LBR: variants seen among roughly 807,000 people sequenced by gnomAD.
LBR encodes the protein delta(14)-sterol reductase LBR.
Under a neutral mutation model 74.3 loss-of-function variants are expected in LBR, and 28 were observed. That is an observed-to-expected ratio of 0.38 (90% CI 0.28 to 0.52). LBR has a LOEUF of 0.52. Among genes scored for constraint, LBR ranks in the 20% least tolerant of loss-of-function variants. The pLI, the probability that LBR is intolerant of heterozygous loss-of-function variation, is 0.89. For synonymous variants in LBR, 228 were observed against 269.3 expected (o/e 0.85, Z 1.50); for missense variants, 717 against 760.3 (o/e 0.94, Z 0.67).
At position 225,422,228 on chromosome 1, in the gene LBR, G is replaced by A. The variant is rs1367356844; in HGVS notation, c.215C>T (p.Pro72Leu). 7 of 1,613,832 alleles carry A rather than the reference G, an allele frequency of 4.3e-6. No individual in the cohort carries two copies. In the Admixed American group the frequency reaches 5.0e-5, roughly 12 times the overall value. ...TGATCGACTCCCTCGGCGTCTGGAA[G>A]GGGAACTGGAAGTTGAGCCACCTTT... Reference protein sequence around the residue: ...QRKGGSTSSSPSRRRGSRSRS... With the variant: ...QRKGGSTSSSLSRRRGSRSRS... The change falls in exon 3 of 14, where the codon CCT becomes CTT. Residue 72 changes from proline (P) to leucine (L), a missense_variant. Physicochemically the swap from Pro to Leu is moderately conservative, Grantham distance 98 (BLOSUM62 -3). Transcript: ENST00000272163.
At chr1:225,423,566 C>G (rs2096132612) in intron 2 of LBR, among the ~76,000 whole-genome samples, 1 of 152,184 alleles carries the variant, frequency 6.6e-6, no homozygotes, top group Admixed American at 6.5e-5. Flanking sequence ...CAGCACTTGG[C>G]TAGGTGTCAC....
rs1414446449 is a variant in LBR, at chr1:225,413,157, C to CT, written c.893-513dup. Among the ~76,000 whole-genome samples, 5 of 152,344 alleles carry CT rather than the reference C, an allele frequency of 3.3e-5. No individual in the cohort carries two copies. The East Asian group carries it at 9.6e-4, about 29-fold the overall frequency. On this transcript the variant is annotated intron_variant, in intron 7 of 13. Transcript: ENST00000272163. ...GGTTTCAAAAGATTCTAGTAAAACT[C>CT]TATCATCCAGAACAGAGATCTTAAC...
chr1:225,413,271 G>A (rs1385315525), intron 7 of LBR, among the ~76,000 whole-genome samples: 2 of 152,320 alleles, frequency 1.3e-5, no homozygotes, highest in East Asian at 1.9e-4. Context: ...CAGCAGGCGG[G>A]GACATTCACG....
At position 225,412,700 on chromosome 1, in the gene LBR, A is replaced by G. The variant is rs2096108786; in HGVS notation, c.893-55T>C. 56 of 1,484,344 alleles carry G rather than the reference A, an allele frequency of 3.8e-5. 1 individual carries two copies. In the South Asian group the frequency reaches 6.5e-4, roughly 17 times the overall value. 91.9% of individuals were successfully genotyped at this position (1,484,344 alleles called of 1,614,324 possible). The stretch of plus-strand genomic sequence containing the variant: ...AAATTAATATTAACCCAAGGCTCAC[A>G]TGAAACTTACGCCACTATGAAACAA... On this transcript the variant is annotated intron_variant, in intron 7 of 13. Transcript: ENST00000272163.
At chr1:225,409,278 A>C (rs1240574373) in intron 10 of LBR, among the ~76,000 whole-genome samples, 2 of 152,240 alleles carry the variant, frequency 1.3e-5, no homozygotes, top group Non-Finnish European at 2.9e-5. Context: ...CACCGCTTGT[A>C]ATTGAGGTTT....
At chr1:225,420,798 A>G (rs554568328) in intron 3 of LBR, among the ~76,000 whole-genome samples, 2 of 151,544 alleles carry the variant, frequency 1.3e-5, no homozygotes, top group South Asian at 2.1e-4. Context: ...AAAAAAAATT[A>G]TAATACTCAG....
rs1387958612 is a variant in LBR at position 225,423,969 on chromosome 1, A to G, written c.107T>C (p.Leu36Pro). 2.5e-6 allele frequency: 4 copies of G among 1,613,968 alleles called. No individual in the cohort carries two copies. In the Admixed American group the frequency reaches 6.7e-5, roughly 27 times the overall value. Residue 36 changes from leucine (L) to proline (P), a missense_variant, in exon 2 of 14, where the codon CTT becomes CCT. Coordinates refer to ENST00000272163, the MANE Select transcript of LBR (RefSeq NM_002296.4). ...EILSHDSTSQ[L>P]YTVKYKDGTE... is the part of the protein sequence containing the mutation. ...TCCATCTTTATACTTCACAGTGTAA[A>G]GCTGGGAGGTGCTGTCGTGGCTCAG...
In LBR at chr1:225,410,343, A is replaced by G. The variant is rs2150948198; in HGVS notation, c.1262T>C (p.Ile421Thr). The change falls in exon 10 of 14, where the codon ATT (isoleucine) becomes ACT (threonine). Residue 421 changes from isoleucine (I) to threonine (T), a missense_variant. Physicochemically the swap from Ile to Thr is moderately conservative, Grantham distance 89. Transcript: ENST00000272163. ...QDRAVPSLAM[I>T]LVNSFQLLYV... The stretch of plus-strand genomic sequence containing the variant: ...GAGAAGCTGGAAACTATTAACTAAA[A>G]TCATGGCCAAGGATGGAACAGCGCG... 1.9e-6 allele frequency: 3 copies of G among 1,614,176 alleles called. No individual in the cohort carries two copies. Among genetic ancestry groups the G allele is most frequent in the Middle Eastern group, 3.3e-4 (2 of 6,062 alleles).
intron 6 of LBR, 144 bp from the exon 7 acceptor site, chr1:225,415,476 AAT>A (rs1242829495): frequency 1.7e-6 from 1 of 592,636 alleles, no homozygotes. Context: ...GAAATTTAGT[AAT>A]ATGTTTCAAA....
At position 225,419,784 on chromosome 1, in the gene LBR, A is replaced by G. The variant is rs150998038; in HGVS notation, c.381T>C (p.Asn127=). The G allele has an allele frequency of 6.2e-7, 1 of 1,609,362 alleles. No homozygotes were observed. The highest frequency in any genetic ancestry group is 1.3e-5 in the African/African-American group (1 of 74,926). ...GCTCCCCATTATATCTGCTGATGCT[A>G]TTTCCAAATGGCTTCTAAATTGAAG... ...LTPLILKPFG[N]SISRYNGEPE... Residue 127 remains asparagine (N), a synonymous_variant, in exon 4 of 14, where the codon AAT becomes AAC. Transcript: ENST00000272163.
chr1:225,422,472 A>G (rs772459340), intron 2 of LBR, 195 bp from the exon 3 acceptor site: 34 of 611,050 alleles, frequency 5.6e-5, no homozygotes, highest in Non-Finnish European at 9.1e-5. Flanking sequence ...CTTTCATGAG[A>G]CAAATGCAGC....
At chr1:225,413,506 TGTTA>T (rs1304087841) in intron 7 of LBR, among the ~76,000 whole-genome samples, 1 of 152,268 alleles carries the variant, frequency 6.6e-6, no homozygotes, top group African/African-American at 2.4e-5. Flanking sequence ...AAGAGGTAGC[TGTTA>T]TTTATATGAG....
chr1:225,408,049 T>A (rs1046270821), intron 10 of LBR, among the ~76,000 whole-genome samples: 2 of 152,230 alleles, frequency 1.3e-5, no homozygotes, highest in African/African-American at 4.8e-5. Flanking sequence ...ATATTCAATA[T>A]CCTTCTAGCT....
intron 10 of LBR, among the ~76,000 whole-genome samples, chr1:225,409,178 C>T (rs12143725): frequency 0.035 from 5,287 of 152,272 alleles, 101 homozygotes; most frequent in Non-Finnish European, 0.043. Flanking sequence ...AGTGTTATCA[C>T]CACCTTCACA....
chr1:225,407,948 A>G (rs1339411830), intron 10 of LBR, among the ~76,000 whole-genome samples: 1 of 152,234 alleles, frequency 6.6e-6, no homozygotes, highest in Non-Finnish European at 1.5e-5. Context: ...TGGGGTACAC[A>G]GTGATGTTGC....
At chr1:225,420,117 G>A (rs1036596717) in intron 3 of LBR, among the ~76,000 whole-genome samples, 7 of 152,090 alleles carry the variant, frequency 4.6e-5, no homozygotes, top group Middle Eastern at 6.3e-3. Context: ...AGACCAGCCT[G>A]GCCAACATGG....
intron 10 of LBR, among the ~76,000 whole-genome samples, chr1:225,409,836 T>C (rs529233450): frequency 6.6e-6 from 1 of 152,328 alleles, no homozygotes; most frequent in African/African-American, 2.4e-5. Context: ...TGCATCTTGA[T>C]TTCTGATTTT....
chr1:225,422,145 C>G lies in LBR; in HGVS notation c.298G>C (p.Ala100Pro), dbSNP rs1438793970. ...TCCTTAATGTCGGCCTGGTGGGAAG[C>G]AGAAGCAGATCGGCGGGCACTTTTA... ...PPKSARRSAS[A>P]SHQADIKEAR... Residue 100 changes from alanine (A) to proline (P), a missense_variant, in exon 3 of 14, where the codon GCT becomes CCT. Transcript: ENST00000272163. 1.2e-6 allele frequency: 2 copies of G among 1,614,012 alleles called. No homozygotes were observed. Among genetic ancestry groups the G allele is most frequent in the Non-Finnish European group, 1.7e-6 (2 of 1,180,042 alleles).
rs1026053109 is a variant in LBR, at chr1:225,404,332, A to C, written c.1687+72T>G. The C allele has an allele frequency of 1.0e-4, 162 of 1,605,094 alleles. No individual in the cohort carries two copies. The African/African-American group carries it at 1.9e-3, about 19-fold the overall frequency. On this transcript the variant is annotated intron_variant, in intron 13 of 13. Transcript: ENST00000272163. ...ACACCCACCTTGGCCACACTGTCCC[A>C]CACAAAGGACACACACACACATCTT...
Sources: allele counts gnomAD v4.1 joint callset (sites outside exome capture counted in the v4.1 genomes callset), GRCh38; gene constraint gnomAD v4.1.1; transcripts MANE v1.5; gene names NCBI Gene and HGNC (gene_info 2026-07-23, HGNC 2026-07-21).